SLC26A9: variants seen among roughly 807,000 people sequenced by gnomAD.
SLC26A9 encodes anion transporter/exchanger protein 9.
In SLC26A9, 46 loss-of-function variants were observed where a neutral mutation model predicts 87.1. The observed-to-expected ratio is 0.53, with a 90% CI of 0.42 to 0.67. SLC26A9 has a LOEUF of 0.67. Ranked by LOEUF, SLC26A9 falls within the 30% of genes least tolerant of loss-of-function variation. The pLI, the probability that SLC26A9 is intolerant of heterozygous loss-of-function variation, is 0.00. For missense variants in SLC26A9, 927 were observed against 1,018.3 expected, an observed-to-expected ratio of 0.91 and a Z score of 1.22; for synonymous variants, 437 against 409.1, an observed-to-expected ratio of 1.07 and a Z score of -0.82.
intron 1 of SLC26A9, among the ~76,000 whole-genome samples, chr1:205,937,695 G>A (rs1479166653): frequency 6.6e-6 from 1 of 152,152 alleles, no homozygotes; most frequent in East Asian, 1.9e-4. Context: ...CGCCCGTGAG[G>A]CGGGGTGGTC....
In SLC26A9 at chr1:205,914,757, A is replaced by G. The variant is rs1658502418; in HGVS notation, c.*600T>C. On this transcript the variant is annotated 3_prime_UTR_variant, in exon 21 of 21. Transcript: ENST00000367135. Reference sequence around the variant, plus strand: ...GGTGGTTTGGGCAGCCTTGGGGATGATGGAGGGGGGGCGCATAGTTACCAA... The same window carrying G: ...GGTGGTTTGGGCAGCCTTGGGGATGGTGGAGGGGGGGCGCATAGTTACCAA... 2 of 1,123,068 alleles carry G rather than the reference A, an allele frequency of 1.8e-6. No individual in the cohort carries two copies. The highest frequency in any genetic ancestry group is 2.5e-6 in the Non-Finnish European group (2 of 789,552). The allele number at this position is 1,123,068 out of a possible 1,614,324, so 69.6% of individuals were successfully genotyped here.
In SLC26A9 at chr1:205,932,032, G is replaced by A. The variant is rs77497889; in HGVS notation, c.380C>T (p.Thr127Ile). 17 of 1,614,064 alleles carry A rather than the reference G, an allele frequency of 1.1e-5. 1 individual carries two copies. Among genetic ancestry groups the A allele is most frequent in the Non-Finnish European group, 1.4e-5 (16 of 1,179,934 alleles). The change falls in exon 5 of 21, where the codon ACC (threonine) becomes ATC (isoleucine). Residue 127 changes from threonine to isoleucine, a missense_variant. Thr to Ile is a moderately conservative substitution (Grantham distance 89, BLOSUM62 -1). Coordinates refer to ENST00000367135, the MANE Select transcript of SLC26A9 (RefSeq NM_052934.4). Reference protein sequence around the residue: ...LGGVHQMVPGTFAVISILVGN... With the variant: ...LGGVHQMVPGIFAVISILVGN... ...CACCAGGATGCTGATAACGGCAAAG[G>A]TACCTGTGGTGCCCCACCCAGCCAG...
intron 1 of SLC26A9, among the ~76,000 whole-genome samples, chr1:205,936,821 G>T (rs920424856): frequency 2.6e-5 from 4 of 152,148 alleles, no homozygotes; most frequent in African/African-American, 9.7e-5. Flanking sequence ...GTAACTACTT[G>T]GGGGCTAGAG....
intron 5 of SLC26A9, among the ~76,000 whole-genome samples, chr1:205,931,293 A>G (rs1014951630): frequency 6.6e-6 from 1 of 152,126 alleles, no homozygotes; most frequent in African/African-American, 2.4e-5. Flanking sequence ...CCACGGGATA[A>G]TGGAGAGAGG....
At chr1:205,918,657 G>A (rs1658694396) in intron 19 of SLC26A9, among the ~76,000 whole-genome samples, 183 bp downstream of exon 19, 1 of 152,242 alleles carries the variant, frequency 6.6e-6, no homozygotes, top group African/African-American at 2.4e-5. Flanking sequence ...GAAAAATGCA[G>A]AGAGGTAGGT....
At chr1:205,939,317 C>T (rs148012056) in intron 1 of SLC26A9, among the ~76,000 whole-genome samples, 127 of 152,328 alleles carry the variant, frequency 8.3e-4, no homozygotes, top group African/African-American at 2.9e-3. Context: ...ATGTTTTCCC[C>T]TGAGTGGCAC....
At chr1:205,927,675 A>C (rs1659133470) in intron 9 of SLC26A9, 70 bp from the exon 10 acceptor site, 2 of 1,475,238 alleles carry the variant, frequency 1.4e-6, no homozygotes, top group African/African-American at 2.8e-5. Context: ...GCAGTCAGGC[A>C]TGCAAGCTGG....
In SLC26A9 at chr1:205,932,001, G is replaced by C. The variant is rs1357800904; in HGVS notation, c.411C>G (p.Asn137Lys). 6.2e-7 allele frequency: 1 copy of C among 1,614,244 alleles called. No individual in the cohort carries two copies. Among genetic ancestry groups the C allele is most frequent in the Admixed American group, 1.7e-5 (1 of 60,022 alleles). The change falls in exon 5 of 21, where the codon AAC (asparagine) becomes AAG (lysine). Residue 137 changes from asparagine (N) to lysine (K), a missense_variant. Coordinates refer to ENST00000367135, the MANE Select transcript of SLC26A9 (RefSeq NM_052934.4). ...ACTCTGGGGCCAGCTGCAGACAGAT[G>C]TTACCCACCAGGATGCTGATAACGG... ...TFAVISILVG[N>K]ICLQLAPESK...
chr1:205,942,439 T>TG (rs928493461), intron 1 of SLC26A9, among the ~76,000 whole-genome samples: 1 of 152,236 alleles, frequency 6.6e-6, no homozygotes, highest in African/African-American at 2.4e-5. Context: ...TCTGCCCACT[T>TG]GGGGGGCTGC....
chr1:205,922,359 G>A (rs147549421), intron 16 of SLC26A9, among the ~76,000 whole-genome samples: 39 of 152,274 alleles, frequency 2.6e-4, no homozygotes, highest in Middle Eastern at 3.4e-3. Flanking sequence ...GGCTGGTCTC[G>A]AACTCCTGAA....
intron 17 of SLC26A9, among the ~76,000 whole-genome samples, chr1:205,920,824 C>T (rs953632820): frequency 3.3e-5 from 5 of 152,182 alleles, no homozygotes; most frequent in South Asian, 4.1e-4. Flanking sequence ...AGCTTAGATT[C>T]TCAGACTTCT....
chr1:205,930,349 G>A (rs560382820), intron 5 of SLC26A9: 2 of 247,144 alleles, frequency 8.1e-6, no homozygotes, highest in South Asian at 3.2e-4. Flanking sequence ...CTCAGTAAAT[G>A]ACACCATCAT....
chr1:205,925,562 A>T (rs893591960), intron 12 of SLC26A9, among the ~76,000 whole-genome samples: 2 of 152,146 alleles, frequency 1.3e-5, no homozygotes, highest in Non-Finnish European at 2.9e-5. Context: ...CCCTGTCCTC[A>T]TCACTGTCTC....
At chr1:205,940,671 A>G (rs187455736) in intron 1 of SLC26A9, among the ~76,000 whole-genome samples, 2 of 152,290 alleles carry the variant, frequency 1.3e-5, no homozygotes, top group Admixed American at 1.3e-4. Context: ...TGATGAGAGG[A>G]ACAGCAGAAA....
At chr1:205,929,757 C>G (rs764720677) in intron 6 of SLC26A9, 135 bp downstream of exon 6, 1 of 1,159,770 alleles carries the variant, frequency 8.6e-7, no homozygotes, top group South Asian at 2.0e-5. Context: ...GACAGAAACC[C>G]CCTCAGAATC....
At position 205,937,431 on chromosome 1, in the gene SLC26A9, G is replaced by A. The variant is rs189796182; in HGVS notation, c.-18-1593C>T. On this transcript the variant is annotated intron_variant, in intron 1 of 20. Coordinates refer to ENST00000367135, the MANE Select transcript of SLC26A9 (RefSeq NM_052934.4). ...ATTTCAGTGGGAGAAATGAGAGACC[G>A]GGTGGCTTAGGGAAAACAGCACAAG... Among the ~76,000 whole-genome samples the A allele has an allele frequency of 3.1e-3, 472 of 152,300 alleles. 4 individuals carry two copies. The highest frequency in any genetic ancestry group is 3.1e-3 in the Non-Finnish European group (212 of 68,016).
At chr1:205,920,613 C>T (rs990775461) in intron 17 of SLC26A9, among the ~76,000 whole-genome samples, 1 of 152,188 alleles carries the variant, frequency 6.6e-6, no homozygotes, top group African/African-American at 2.4e-5. Flanking sequence ...CAATTCTCTG[C>T]CTCAGCCTAC....
At chr1:205,921,180 G>A (rs1341080981) in intron 17 of SLC26A9, among the ~76,000 whole-genome samples, 1 of 152,164 alleles carries the variant, frequency 6.6e-6, no homozygotes, top group Non-Finnish European at 1.5e-5. Context: ...TCCTTCTCCT[G>A]TCCTAGGGTG....
At chr1:205,934,278 C>T (rs190026972) in intron 2 of SLC26A9, among the ~76,000 whole-genome samples, 88 of 152,298 alleles carry the variant, frequency 5.8e-4, no homozygotes, top group African/African-American at 1.9e-3. Flanking sequence ...CCTCTGCCAT[C>T]CCTGGGATGC....
Sources: gnomAD v4.1 joint callset for allele counts (sites outside exome capture counted in the v4.1 genomes callset) on GRCh38, gnomAD v4.1.1 for gene constraint, MANE v1.5 for transcripts, NCBI Gene and HGNC (gene_info 2026-07-23, HGNC 2026-07-21) for gene names.